Variants in KAT6B observed in about 807,000 individuals in gnomAD.
The protein encoded by KAT6B is lysine acetyltransferase 6B.
KAT6B carries 10 observed loss-of-function variants against 187.5 expected under a neutral mutation model. The observed-to-expected ratio is 0.05, with a 90% CI of 0.03 to 0.09. The LOEUF (loss-of-function observed/expected upper bound fraction) is 0.09, where lower values mean the gene tolerates loss of function less well. KAT6B is among the 10% of genes least tolerant of loss of function. The probability of loss-of-function intolerance (pLI) is 1.00; values close to 1 mark genes in which losing one functional copy is unlikely to be tolerated. For synonymous variants in KAT6B, 861 were observed against 926.8 expected, an observed-to-expected ratio of 0.93 and a Z score of 1.29; for missense variants, 1,952 against 2,558.9, an observed-to-expected ratio of 0.76 and a Z score of 5.12.
chr10:74,825,342 CCCCCCGGGGCGGAGGCAGGTA>C (rs986514111), upstream of KAT6B, among the ~76,000 whole-genome samples: 5 of 151,332 alleles, frequency 3.3e-5, no homozygotes, highest in East Asian at 2.0e-4. The surrounding 1 kb of genome is among the most constrained non-coding windows in gnomAD (Gnocchi z 5.0). Context: ...GCGAGAGGAG[CCCCCCGGGGCGGAGGCAGGTA>C]CCCCCGGGGC....
rs182411193 is a variant in KAT6B at position 74,860,577 on chromosome 10, T to C, written c.621+17099T>C. The stretch of plus-strand genomic sequence containing the variant: ...CACAGGCAGAGTGTAGTGTAGTCAC[T>C]TTATCACCTTCTGCCTCTCATTTCT... On this transcript the variant is annotated intron_variant, in intron 3 of 17. Transcript: ENST00000287239. 1.3e-4 allele frequency among the ~76,000 whole-genome samples: 20 copies of C among 152,336 alleles called. 1 individual carries two copies. In the East Asian group the frequency reaches 3.7e-3, roughly 28 times the overall value.
At chr10:74,997,654 C>G (rs573819211) in intron 13 of KAT6B, among the ~76,000 whole-genome samples, 1 of 152,118 alleles carries the variant, frequency 6.6e-6, no homozygotes, top group African/African-American at 2.4e-5. Flanking sequence ...TTTTGCCTAC[C>G]ACACTAACAA....
intron 3 of KAT6B, among the ~76,000 whole-genome samples, chr10:74,895,496 T>G (rs1845926496): frequency 6.6e-6 from 1 of 152,156 alleles, no homozygotes; most frequent in African/African-American, 2.4e-5. Context: ...CATAAAAAGC[T>G]TGAATTAATT....
At chr10:74,938,342 A>C (rs1849408710) in intron 3 of KAT6B, among the ~76,000 whole-genome samples, 1 of 151,486 alleles carries the variant, frequency 6.6e-6, no homozygotes, top group Middle Eastern at 3.2e-3. Context: ...CATCCTCCCC[A>C]CCCCCCAGCT....
intron 13 of KAT6B, among the ~76,000 whole-genome samples, chr10:75,004,682 A>G (rs557653523): frequency 1.3e-5 from 2 of 152,306 alleles, no homozygotes; most frequent in African/African-American, 2.4e-5. Context: ...CAGTTAAGAT[A>G]TATAGAAGAG....
chr10:74,848,001 C>T (rs1052899397), intron 3 of KAT6B, among the ~76,000 whole-genome samples: 1 of 151,496 alleles, frequency 6.6e-6, no homozygotes, highest in African/African-American at 2.4e-5. Context: ...CCACTGCAAC[C>T]TCTGTCTCCC....
chr10:75,020,672 A>G lies in KAT6B; in HGVS notation c.2720A>G (p.Lys907Arg), dbSNP rs747479338. ...CGTCTCTCCTACCTGGCATATTGGA[A>G]GAGCGTCATCTTGGAGTATCTCTAC... ...LGRLSYLAYW[K>R]SVILEYLYHH... Residue 907 changes from lysine (K) to arginine (R), a missense_variant, in exon 14 of 18, where the codon AAG becomes AGG. Lys to Arg is a conservative substitution (Grantham distance 26, BLOSUM62 2). Around this residue, in one of 9 missense-constraint regions of KAT6B, gnomAD observed 758 missense variants for 891.4 expected, o/e 0.85. Transcript: ENST00000287239. 3 of 1,614,220 alleles carry G rather than the reference A, an allele frequency of 1.9e-6. No homozygotes were observed. The highest frequency in any genetic ancestry group is 2.5e-6 in the Non-Finnish European group (3 of 1,180,030).
chr10:74,951,779 GT>G (rs1840338311), intron 3 of KAT6B, among the ~76,000 whole-genome samples: 1 of 152,174 alleles, frequency 6.6e-6, no homozygotes, highest in Non-Finnish European at 1.5e-5. Flanking sequence ...GCCATTGATG[GT>G]TTCTTTACAT....
At chr10:74,928,693 G>A (rs184935339) in intron 3 of KAT6B, among the ~76,000 whole-genome samples, 44 of 152,202 alleles carry the variant, frequency 2.9e-4, no homozygotes, top group Middle Eastern at 3.4e-3. Context: ...GTTTTTATAC[G>A]TAGTTTTTAA....
At chr10:74,963,842 G>A (rs1478284983) in intron 4 of KAT6B, among the ~76,000 whole-genome samples, 2 of 152,114 alleles carry the variant, frequency 1.3e-5, no homozygotes, top group African/African-American at 2.4e-5. Flanking sequence ...GAAGAAAAGA[G>A]GCCAGGCGCT....
Position 75,028,886 on chromosome 10 carries a change from AGAG to A in KAT6B, c.4077_4079del (p.Glu1368del), listed in dbSNP as rs367634881. 344 of 1,608,366 alleles carry A rather than the reference AGAG, an allele frequency of 2.1e-4. No individual in the cohort carries two copies. The highest frequency in any genetic ancestry group is 1.1e-3 in the African/African-American group (80 of 72,516). ...ATCTCATCAAACCTGAGGAAGAGGA[AGAG>A]GAGGAGGAGGAGGAAGAGGAAGAAG... On this transcript the variant is annotated inframe_deletion, in exon 18 of 18. Transcript: ENST00000287239.
intron 13 of KAT6B, among the ~76,000 whole-genome samples, chr10:74,999,202 G>A (rs1843656310): frequency 6.6e-6 from 1 of 152,238 alleles, no homozygotes; most frequent in African/African-American, 2.4e-5. Flanking sequence ...GCAGGAGCAT[G>A]CCTGGTGCAG....
chr10:74,944,784 G>A (rs1245638579), intron 3 of KAT6B, among the ~76,000 whole-genome samples: 2 of 142,300 alleles, frequency 1.4e-5, no homozygotes, highest in African/African-American at 5.5e-5. Context: ...ACTCCAGCCC[G>A]GGCGACAGAG....
At position 74,853,561 on chromosome 10, in the gene KAT6B, T is replaced by C. The variant is rs1397358843; in HGVS notation, c.621+10083T>C. 2.0e-5 allele frequency among the ~76,000 whole-genome samples: 3 copies of C among 151,458 alleles called. No homozygotes were observed. In the East Asian group the frequency reaches 5.8e-4, roughly 29 times the overall value. ...CACACACCTCGGCCTCCCAAAGTACTGGGGTTATAGGCGTGAGCCACCGTG... is the reference window on the plus strand; with the variant it reads ...CACACACCTCGGCCTCCCAAAGTACCGGGGTTATAGGCGTGAGCCACCGTG... On this transcript the variant is annotated intron_variant, in intron 3 of 17. Transcript: ENST00000287239.
At chr10:74,892,643 G>C (rs1455812911) in intron 3 of KAT6B, among the ~76,000 whole-genome samples, 1 of 152,062 alleles carries the variant, frequency 6.6e-6, no homozygotes, top group Non-Finnish European at 1.5e-5. Flanking sequence ...GGAGGTGGGG[G>C]TTTCTCCTCT....
rs1179036337 is a variant in KAT6B, at chr10:74,991,145, A to G, written c.2629+2033A>G. ...ATATTCTATATGGTATCACACTTACACTCTGTTCACCCTTTTATGATAATT... is the reference window on the plus strand; with the variant it reads ...ATATTCTATATGGTATCACACTTACGCTCTGTTCACCCTTTTATGATAATT... On this transcript the variant is annotated intron_variant, in intron 13 of 17. Coordinates refer to ENST00000287239, the MANE Select transcript of KAT6B (RefSeq NM_012330.4). 2.0e-5 allele frequency among the ~76,000 whole-genome samples: 3 copies of G among 151,562 alleles called. No homozygotes were observed. The East Asian group carries it at 5.8e-4, about 29-fold the overall frequency.
chr10:74,904,815 C>A (rs544333389), intron 3 of KAT6B, among the ~76,000 whole-genome samples: 1 of 152,082 alleles, frequency 6.6e-6, no homozygotes, highest in Non-Finnish European at 1.5e-5. Context: ...GATCCTCCCC[C>A]CTTTAGTAAC....
intron 3 of KAT6B, among the ~76,000 whole-genome samples, chr10:74,926,957 A>C (rs950286382): frequency 2.0e-5 from 3 of 152,222 alleles, no homozygotes; most frequent in Non-Finnish European, 4.4e-5. Flanking sequence ...GATCAAATGT[A>C]ATAATGATGT....
At chr10:74,953,175 C>T (rs759098398) in intron 3 of KAT6B, among the ~76,000 whole-genome samples, 6 of 151,738 alleles carry the variant, frequency 4.0e-5, no homozygotes, top group Middle Eastern at 6.8e-3. Context: ...CCTGTACTCC[C>T]TGATTAATTC....
Sources: gnomAD v4.1 joint callset for allele counts (sites outside exome capture counted in the v4.1 genomes callset) on GRCh38, gnomAD v4.1.1 for gene constraint, gnomAD v4.1.1 regional missense constraint, Gnocchi (gnomAD v3.1) non-coding constraint, MANE v1.5 for transcripts, NCBI Gene and HGNC (gene_info 2026-07-23, HGNC 2026-07-21) for gene names.